RNF13: variants seen among roughly 807,000 people sequenced by gnomAD.
RNF13 encodes the protein E3 ubiquitin-protein ligase RNF13.
In RNF13, 19 loss-of-function variants were observed where a neutral mutation model predicts 37.7. The ratio of observed to expected loss-of-function variants is 0.50; its 90% CI spans 0.35 to 0.74. RNF13 has a LOEUF of 0.74. Ranked by LOEUF, RNF13 falls within the 30% of genes least tolerant of loss-of-function variation. RNF13 has a pLI of 0.01. For missense variants in RNF13, 375 were observed against 453.0 expected (o/e 0.83, Z 1.56); for synonymous variants, 144 against 157.8 (o/e 0.91, Z 0.65).
chr3:149,926,502 G>C (rs1718671305), intron 8 of RNF13, among the ~76,000 whole-genome samples: 1 of 152,226 alleles, frequency 6.6e-6, no homozygotes, highest in Non-Finnish European at 1.5e-5. Flanking sequence ...GAGCCACCAT[G>C]CCCAGCCTCT....
chr3:149,894,790 C>G (rs1445739537), intron 4 of RNF13, among the ~76,000 whole-genome samples: 1 of 152,052 alleles, frequency 6.6e-6, no homozygotes, highest in East Asian at 1.9e-4. Flanking sequence ...AAAGGTCATA[C>G]AATAAGTAGT....
intron 2 of RNF13, 104 bp downstream of exon 2, chr3:149,846,244 T>C (rs555407947): frequency 4.1e-4 from 277 of 682,136 alleles, no homozygotes; most frequent in Non-Finnish European, 6.5e-4. Flanking sequence ...GACATTTTTA[T>C]CTAAAAACAT....
At chr3:149,822,864 T>C (rs972983266) in intron 1 of RNF13, among the ~76,000 whole-genome samples, 5 of 152,116 alleles carry the variant, frequency 3.3e-5, no homozygotes, top group Admixed American at 3.3e-4. Flanking sequence ...GATCCATGAA[T>C]AATAAAGATA....
chr3:149,940,544 A>C (rs1720144787), intron 8 of RNF13, among the ~76,000 whole-genome samples: 2 of 152,082 alleles, frequency 1.3e-5, no homozygotes, highest in South Asian at 4.1e-4. Flanking sequence ...TGTAGATCTA[A>C]GATTCTGACC....
chr3:149,814,880 GGA>G (rs1364387087), intron 1 of RNF13, among the ~76,000 whole-genome samples: 1 of 151,398 alleles, frequency 6.6e-6, no homozygotes, highest in Non-Finnish European at 1.5e-5. Context: ...GGAAACTGTT[GGA>G]GAGAGGCACA....
chr3:149,895,671 C>T, intron 5 of RNF13, 111 bp downstream of exon 5: 1 of 609,734 alleles, frequency 1.6e-6, no homozygotes, highest in Non-Finnish European at 2.9e-6. Context: ...AATTTCTTCT[C>T]TATCAGATAA....
At chr3:149,819,728 C>T (rs1719841055) in intron 1 of RNF13, among the ~76,000 whole-genome samples, 1 of 152,176 alleles carries the variant, frequency 6.6e-6, no homozygotes, top group African/African-American at 2.4e-5. Flanking sequence ...GAACTTTGTG[C>T]TAAACCACAG....
intron 8 of RNF13, among the ~76,000 whole-genome samples, chr3:149,936,961 A>G (rs1719752797): frequency 6.6e-6 from 1 of 152,078 alleles, no homozygotes; most frequent in African/African-American, 2.4e-5. Context: ...CGTTCGGCGC[A>G]CTGACCATCT....
chr3:149,861,617 G>C (rs553409632), intron 3 of RNF13, among the ~76,000 whole-genome samples: 13 of 152,248 alleles, frequency 8.5e-5, no homozygotes, highest in Admixed American at 2.0e-4. Flanking sequence ...AGATACCAGA[G>C]GGTGAGAAAA....
chr3:149,814,820 G>A (rs1719257686), intron 1 of RNF13, among the ~76,000 whole-genome samples: 1 of 152,108 alleles, frequency 6.6e-6, no homozygotes. Context: ...TTGTTATGAG[G>A]ATTAAATGAA....
chr3:149,889,478 T>A (rs1714450598), intron 4 of RNF13, among the ~76,000 whole-genome samples: 1 of 148,938 alleles, frequency 6.7e-6, no homozygotes. Context: ...CTAATTTTTG[T>A]ATTTTTAGTA....
chr3:149,860,755 A>G (rs1052538908), intron 3 of RNF13, among the ~76,000 whole-genome samples: 1 of 152,218 alleles, frequency 6.6e-6, no homozygotes, highest in African/African-American at 2.4e-5. Context: ...AAAAAGAAAA[A>G]TAGACAAATG....
chr3:149,856,287 C>A (rs979074745), intron 3 of RNF13, among the ~76,000 whole-genome samples: 1 of 152,054 alleles, frequency 6.6e-6, no homozygotes, highest in African/African-American at 2.4e-5. Flanking sequence ...AAATGCCAGC[C>A]ATGCAAAGAT....
At chr3:149,861,775 G>T (rs1184011434) in intron 3 of RNF13, among the ~76,000 whole-genome samples, 1 of 152,084 alleles carries the variant, frequency 6.6e-6, no homozygotes, top group African/African-American at 2.4e-5. Context: ...GAAGTTGCTG[G>T]AAGACAGAAC....
At chr3:149,880,124 T>C (rs1450220009) in intron 4 of RNF13, among the ~76,000 whole-genome samples, 32 of 152,220 alleles carry the variant, frequency 2.1e-4, no homozygotes, top group Admixed American at 2.0e-3. Flanking sequence ...TCCATCACAG[T>C]TACTTTTCAA....
At chr3:149,932,989 C>T (rs1419951769) in intron 8 of RNF13, among the ~76,000 whole-genome samples, 2 of 152,254 alleles carry the variant, frequency 1.3e-5, no homozygotes, top group Non-Finnish European at 2.9e-5. Flanking sequence ...CCTCTGAAAT[C>T]TAGGTTGGAA....
chr3:149,870,368 G>A (rs1711888118), intron 3 of RNF13, among the ~76,000 whole-genome samples: 1 of 151,554 alleles, frequency 6.6e-6, no homozygotes, highest in South Asian at 2.1e-4. Context: ...TTACTTCTCT[G>A]TGGCCCTGGG....
chr3:149,820,699 C>T (rs1365173959), intron 1 of RNF13, among the ~76,000 whole-genome samples: 1 of 152,126 alleles, frequency 6.6e-6, no homozygotes, highest in Non-Finnish European at 1.5e-5. Flanking sequence ...AGCAATAGTT[C>T]AGTGGCATTT....
chr3:149,842,693 A>G (rs1398929172), intron 1 of RNF13, among the ~76,000 whole-genome samples: 1 of 152,270 alleles, frequency 6.6e-6, no homozygotes, highest in Non-Finnish European at 1.5e-5. Flanking sequence ...AAATTCCAAC[A>G]GTAAGAATTT....
Sources: gnomAD v4.1 joint callset for allele counts (sites outside exome capture counted in the v4.1 genomes callset) on GRCh38, gnomAD v4.1.1 for gene constraint, MANE v1.5 for transcripts, NCBI Gene and HGNC (gene_info 2026-07-23, HGNC 2026-07-21) for gene names.